Variants in ADCY8 observed in about 807,000 individuals in gnomAD.
ADCY8 encodes adenylate cyclase 8, also known as adenylate cyclase type 8.
A neutral mutation model predicts 119.7 loss-of-function variants in ADCY8; 51 were observed. That is an observed-to-expected ratio of 0.43 (90% CI 0.34 to 0.54). The LOEUF (loss-of-function observed/expected upper bound fraction) is 0.54. ADCY8 is among the 20% of genes least tolerant of loss of function. ADCY8 has a pLI of 0.03. For missense variants in ADCY8, 1,383 were observed against 1,598.8 expected, an observed-to-expected ratio of 0.87 and a Z score of 2.30; for synonymous variants, 665 against 651.0, an observed-to-expected ratio of 1.02 and a Z score of -0.33.
In ADCY8 at chr8:130,780,849, G is replaced by A. The variant is rs1238124020; in HGVS notation, c.3297C>T (p.Gly1099=). 10 of 1,613,912 alleles carry A rather than the reference G, an allele frequency of 6.2e-6. No individual in the cohort carries two copies. Among genetic ancestry groups the A allele is most frequent in the Non-Finnish European group, 7.6e-6 (9 of 1,179,950 alleles). ...IGISHGSVVA[G]VIGAKKPQYD... Reference sequence around the variant, plus strand: ...ACTGTGGTTTCTTAGCGCCGATAACGCCAGCTACCACTGAGCCGTGGCTGA... The same window carrying A: ...ACTGTGGTTTCTTAGCGCCGATAACACCAGCTACCACTGAGCCGTGGCTGA... Residue 1099 remains glycine, a synonymous_variant, in exon 18 of 18, where the codon GGC becomes GGT. Transcript: ENST00000286355.
chr8:130,998,134 TAAACAAGCAAG>T (rs1822836936), intron 1 of ADCY8, among the ~76,000 whole-genome samples: 2 of 152,102 alleles, frequency 1.3e-5, no homozygotes, highest in Non-Finnish European at 2.9e-5. Flanking sequence ...AGATGGGCAA[TAAACAAGCAAG>T]CCAAGGAATA....
intron 13 of ADCY8, among the ~76,000 whole-genome samples, chr8:130,821,018 C>T (rs1816492084): frequency 6.6e-6 from 1 of 152,170 alleles, no homozygotes; most frequent in Admixed American, 6.5e-5. Context: ...TAATATAGCA[C>T]ACAACTTTTG....
chr8:130,893,871 T>C (rs932677818), intron 7 of ADCY8, among the ~76,000 whole-genome samples: 7 of 151,662 alleles, frequency 4.6e-5, no homozygotes, highest in Admixed American at 1.3e-4. Context: ...CATGTTTATG[T>C]GTGTGTTTGC....
At chr8:130,795,324 G>A (rs952265185) in intron 15 of ADCY8, among the ~76,000 whole-genome samples, 2 of 152,214 alleles carry the variant, frequency 1.3e-5, no homozygotes, top group African/African-American at 2.4e-5. Flanking sequence ...ATAGTTTGCA[G>A]GGTCCAGTGC....
At position 130,780,805 on chromosome 8, in the gene ADCY8, G is replaced by T. The variant is rs775704142; in HGVS notation, c.3341C>A (p.Thr1114Asn). 1.9e-6 allele frequency: 3 copies of T among 1,614,216 alleles called. No individual in the cohort carries two copies. Among genetic ancestry groups the T allele is most frequent in the Non-Finnish European group, 2.5e-6 (3 of 1,180,020 alleles). Residue 1114 changes from threonine to asparagine, a missense_variant, in exon 18 of 18, where the codon ACT (threonine) becomes AAT (asparagine). Thr to Asn is a moderately conservative substitution (Grantham distance 65, BLOSUM62 0). This residue lies in a region of ADCY8 where 928 missense variants were observed against 1,163.5 expected (regional missense o/e 0.80). Coordinates refer to ENST00000286355, the MANE Select transcript of ADCY8 (RefSeq NM_001115.3). The stretch of plus-strand genomic sequence containing the variant: ...GTCCATTCGGCTTGCCAGGTTCACA[G>T]TTTTGCCCCAAATGTCATACTGTGG... ...KKPQYDIWGK[T>N]VNLASRMDST...
chr8:130,867,820 A>C (rs1356869438), intron 9 of ADCY8, 26 bp downstream of exon 9: 1 of 1,497,450 alleles, frequency 6.7e-7, no homozygotes, highest in Non-Finnish European at 9.3e-7. Flanking sequence ...ATATTTCACC[A>C]GATCAATTAG....
At chr8:130,904,905 T>G (rs1000221349) in intron 6 of ADCY8, among the ~76,000 whole-genome samples, 1 of 152,192 alleles carries the variant, frequency 6.6e-6, no homozygotes, top group Admixed American at 6.5e-5. Flanking sequence ...TGCGTTATAG[T>G]GTGGTCTGGG....
intron 3 of ADCY8, chr8:130,949,480 C>G (rs1013542783): frequency 4.6e-5 from 7 of 152,058 alleles, no homozygotes; most frequent in African/African-American, 1.7e-4. Flanking sequence ...GCAATTTCTG[C>G]TTTCTCTGGA....
At chr8:130,943,131 G>A (rs769428274) in intron 4 of ADCY8, among the ~76,000 whole-genome samples, 13 of 152,254 alleles carry the variant, frequency 8.5e-5, no homozygotes, top group East Asian at 1.9e-4. Flanking sequence ...TCAACCAGCC[G>A]TCTCTCAATT....
At chr8:130,998,278 A>G (rs1822841531) in intron 1 of ADCY8, among the ~76,000 whole-genome samples, 1 of 152,244 alleles carries the variant, frequency 6.6e-6, no homozygotes, top group Admixed American at 6.5e-5. Context: ...AAGGGAGTTC[A>G]GAGAAGGCCT....
intron 7 of ADCY8, among the ~76,000 whole-genome samples, chr8:130,897,953 C>A (rs1819462392): frequency 6.9e-6 from 1 of 145,666 alleles, no homozygotes; most frequent in African/African-American, 2.7e-5. Flanking sequence ...ATAACACACA[C>A]CACACCACAC....
At chr8:130,977,487 C>T (rs1020481395) in intron 2 of ADCY8, among the ~76,000 whole-genome samples, 1 of 152,118 alleles carries the variant, frequency 6.6e-6, no homozygotes, top group African/African-American at 2.4e-5. Flanking sequence ...AAAATCAATT[C>T]AGTCTCTGGT....
Position 130,962,797 on chromosome 8 carries a change from C to T in ADCY8, c.1111-10799G>A, listed in dbSNP as rs575386237. 1.1e-4 allele frequency among the ~76,000 whole-genome samples: 16 copies of T among 152,320 alleles called. 1 individual carries two copies. The South Asian group carries it at 3.3e-3, about 32-fold the overall frequency. The stretch of plus-strand genomic sequence containing the variant: ...CAGGCTCTCACAAATGGAGAGACTT[C>T]TTATTAATCTCTTTCTCTCCACTGC... On this transcript the variant is annotated intron_variant, in intron 2 of 17. Transcript: ENST00000286355.
chr8:130,870,574 C>T (rs1259771774), intron 8 of ADCY8, among the ~76,000 whole-genome samples: 1 of 152,154 alleles, frequency 6.6e-6, no homozygotes. Flanking sequence ...TCAAGTTGAA[C>T]ACTCAGATCC....
At chr8:130,854,643 G>C (rs575884791) in intron 9 of ADCY8, among the ~76,000 whole-genome samples, 44 of 152,278 alleles carry the variant, frequency 2.9e-4, no homozygotes, top group Non-Finnish European at 4.9e-4. Flanking sequence ...GCCAGAAATA[G>C]GCTTGGTTAA....
chr8:130,786,912 G>A (rs1815264450), intron 15 of ADCY8, among the ~76,000 whole-genome samples: 1 of 152,004 alleles, frequency 6.6e-6, no homozygotes, highest in Admixed American at 6.6e-5. Context: ...GTGTGTGTTG[G>A]GGAAGCTAGG....
intron 14 of ADCY8, among the ~76,000 whole-genome samples, chr8:130,803,897 T>C (rs1815860833): frequency 1.3e-5 from 2 of 152,212 alleles, no homozygotes; most frequent in Non-Finnish European, 2.9e-5. Flanking sequence ...TCTTTAGTCC[T>C]TATCCAAAAG....
At chr8:130,963,415 G>T (rs1380726737) in intron 2 of ADCY8, among the ~76,000 whole-genome samples, 1 of 152,198 alleles carries the variant, frequency 6.6e-6, no homozygotes, top group African/African-American at 2.4e-5. Flanking sequence ...CTAGGGAAGG[G>T]TGTTTCAGAC....
At position 130,897,872 on chromosome 8, in the gene ADCY8, C is replaced by T. The variant is rs572946279; in HGVS notation, c.1911+5900G>A. ...ATAATACACATATAAACACCACACA[C>T]ATACACCACATACATACCGTACACA... On this transcript the variant is annotated intron_variant, in intron 7 of 17. Coordinates refer to ENST00000286355, the MANE Select transcript of ADCY8 (RefSeq NM_001115.3). Among the ~76,000 whole-genome samples, 11 of 151,218 alleles carry T rather than the reference C, an allele frequency of 7.3e-5. No homozygotes were observed. In the East Asian group the frequency reaches 2.2e-3, roughly 30 times the overall value.
Sources: gnomAD v4.1 joint callset for allele counts (sites outside exome capture counted in the v4.1 genomes callset) on GRCh38, gnomAD v4.1.1 for gene constraint, gnomAD v4.1.1 regional missense constraint, MANE v1.5 for transcripts, NCBI Gene and HGNC (gene_info 2026-07-23, HGNC 2026-07-21) for gene names.